PIWIL1: variants seen among roughly 807,000 people sequenced by gnomAD.
The protein encoded by PIWIL1 is piwi-like protein 1.
PIWIL1 carries 73 observed loss-of-function variants against 114.4 expected under a neutral mutation model. The ratio of observed to expected loss-of-function variants is 0.64; its 90% CI spans 0.53 to 0.78. The LOEUF (loss-of-function observed/expected upper bound fraction) is 0.78, where lower values mean the gene tolerates loss of function less well. Among genes scored for constraint, PIWIL1 ranks in the 30% least tolerant of loss-of-function variants. PIWIL1 has a pLI of 0.00. For synonymous variants in PIWIL1, 375 were observed against 369.0 expected (o/e 1.02, Z -0.19); for missense variants, 723 against 1,063.1 (o/e 0.68, Z 4.45).
the PIWIL1 span, among the ~76,000 whole-genome samples, chr12:130,417,519 A>T: frequency 6.6e-6 from 1 of 152,326 alleles, no homozygotes; most frequent in African/African-American, 2.4e-5. Context: ...GTGGGAGCTA[A>T]ACATTGGGTC....
the PIWIL1 span, among the ~76,000 whole-genome samples, chr12:130,386,471 CTA>C: frequency 9.5e-4 from 91 of 96,276 alleles, 1 homozygote; most frequent in African/African-American, 3.7e-3. Context: ...CCCATGCACA[CTA>C]CCCCTTCCTG....
chr12:130,397,786 C>A, the PIWIL1 span: 1 of 331,302 alleles, frequency 3.0e-6, no homozygotes, highest in Non-Finnish European at 5.4e-6. Flanking sequence ...GCGGGGTGGC[C>A]GTTGCTTTGG....
Position 130,347,416 on chromosome 12 carries a change from A to G in PIWIL1, c.653+354A>G, listed in dbSNP as rs901532885. On this transcript the variant is annotated intron_variant, in intron 6 of 20. Coordinates refer to ENST00000245255, the MANE Select transcript of PIWIL1 (RefSeq NM_004764.5). ...GGTCGTTTGTTCCACCACAGGAGAT[A>G]TACTGCATGCTTGATAATTTGCTTT... Among the ~76,000 whole-genome samples, 35 of 152,300 alleles carry G rather than the reference A, an allele frequency of 2.3e-4. No individual in the cohort carries two copies. The South Asian group carries it at 6.6e-3, about 29-fold the overall frequency.
At chr12:130,408,454 C>T in the PIWIL1 span, among the ~76,000 whole-genome samples, 27,901 of 152,156 alleles carry the variant, frequency 0.18, 3,198 homozygotes, top group East Asian at 0.41. Context: ...TCTGCACAGT[C>T]GACTTAGAGG....
In PIWIL1 at chr12:130,349,358, A is replaced by G; in HGVS notation, c.854A>G (p.Asn285Ser). ...RSETVLDFMF[N>S]FYHQTEEHKF... ...GAGACTGTTTTGGATTTCATGTTCA[A>G]CTTTTATCATCAGACAGAAGAACAT... Residue 285 changes from asparagine to serine, a missense_variant, in exon 8 of 21, where the codon AAC becomes AGC. By Grantham distance (46) the Asn-to-Ser change is conservative. This residue lies in a region of PIWIL1 where 190 missense variants were observed against 294.4 expected (regional missense o/e 0.65). Transcript: ENST00000245255. The G allele has an allele frequency of 6.2e-7, 1 of 1,613,760 alleles. No homozygotes were observed. Among genetic ancestry groups the G allele is most frequent in the Non-Finnish European group, 8.5e-7 (1 of 1,179,618 alleles).
At chr12:130,423,428 C>T in the PIWIL1 span, among the ~76,000 whole-genome samples, 1 of 152,294 alleles carries the variant, frequency 6.6e-6, no homozygotes, top group African/African-American at 2.4e-5. Context: ...ATGTGGATGG[C>T]TCACCTGTGT....
chr12:130,407,470 T>C, the PIWIL1 span, among the ~76,000 whole-genome samples: 15 of 152,316 alleles, frequency 9.8e-5, no homozygotes, highest in South Asian at 3.1e-3. Context: ...AGATTGTTCT[T>C]TCTGTCATGG....
chr12:130,343,127 T>TC, intron 3 of PIWIL1, 26 bp downstream of exon 3: 1 of 1,528,202 alleles, frequency 6.5e-7, no homozygotes, highest in Non-Finnish European at 9.0e-7. Context: ...AAGGAAGTCT[T>TC]AACAACTCTG....
the PIWIL1 span, among the ~76,000 whole-genome samples, chr12:130,387,814 A>G: frequency 6.6e-6 from 1 of 152,270 alleles, no homozygotes; most frequent in Non-Finnish European, 1.5e-5. Context: ...TACATGGGTC[A>G]GTATTAATTA....
At chr12:130,411,140 C>A in the PIWIL1 span, among the ~76,000 whole-genome samples, 1 of 152,150 alleles carries the variant, frequency 6.6e-6, no homozygotes, top group African/African-American at 2.4e-5. Context: ...ATTTTAATTT[C>A]TAAATTTTCA....
At chr12:130,378,110 T>G in the PIWIL1 span, among the ~76,000 whole-genome samples, 1 of 152,022 alleles carries the variant, frequency 6.6e-6, no homozygotes, top group African/African-American at 2.4e-5. Context: ...CACCATCAAG[T>G]TTTAGAGAAT....
At chr12:130,365,273 T>C (rs1401204329) in intron 18 of PIWIL1, among the ~76,000 whole-genome samples, 1 of 152,178 alleles carries the variant, frequency 6.6e-6, no homozygotes, top group Admixed American at 6.5e-5. Flanking sequence ...AAAAGCAATA[T>C]GTCTTAAAAT....
intron 7 of PIWIL1, among the ~76,000 whole-genome samples, chr12:130,348,981 C>T (rs569585700): frequency 6.6e-6 from 1 of 152,270 alleles, no homozygotes; most frequent in Admixed American, 6.5e-5. Flanking sequence ...AGATTGGCAA[C>T]TTTTTAAAAG....
At chr12:130,394,713 G>GAAAATACAGT in the PIWIL1 span, among the ~76,000 whole-genome samples, 9 of 151,042 alleles carry the variant, frequency 6.0e-5, no homozygotes, top group Non-Finnish European at 1.2e-4. Context: ...TCAAGAATAA[G>GAAAATACAGT]AAAATACAGT....
chr12:130,389,326 T>C, the PIWIL1 span, among the ~76,000 whole-genome samples: 1 of 152,078 alleles, frequency 6.6e-6, no homozygotes, highest in African/African-American at 2.4e-5. Flanking sequence ...TTGAAGGGTG[T>C]TGTCTTTTTA....
chr12:130,414,305 G>A, the PIWIL1 span: 1,163 of 1,579,282 alleles, frequency 7.4e-4, 11 homozygotes, highest in African/African-American at 0.014. Flanking sequence ...GCCCGTAATC[G>A]TCTGCGAGCA....
At chr12:130,421,693 G>A in the PIWIL1 span, among the ~76,000 whole-genome samples, 1 of 74,946 alleles carries the variant, frequency 1.3e-5, no homozygotes, top group East Asian at 5.7e-4. Context: ...GCATTTATAT[G>A]TGTGTGTGTG....
At chr12:130,394,500 A>G in the PIWIL1 span, among the ~76,000 whole-genome samples, 1 of 152,316 alleles carries the variant, frequency 6.6e-6, no homozygotes, top group South Asian at 2.1e-4. Flanking sequence ...GAGGCTTTCA[A>G]TGTAGTTTTC....
chr12:130,389,495 A>G, the PIWIL1 span, among the ~76,000 whole-genome samples: 1 of 152,018 alleles, frequency 6.6e-6, no homozygotes, highest in Admixed American at 6.5e-5. Context: ...TCAATTTTTT[A>G]TTAATCAGTG....
Sources: gnomAD v4.1 joint callset for allele counts (sites outside exome capture counted in the v4.1 genomes callset) on GRCh38, gnomAD v4.1.1 for gene constraint, gnomAD v4.1.1 regional missense constraint, MANE v1.5 for transcripts, NCBI Gene and HGNC (gene_info 2026-07-23, HGNC 2026-07-21) for gene names.